Variants in ACSS3 observed in about 807,000 individuals in gnomAD.
ACSS3 encodes the protein acyl-CoA synthetase short-chain family member 3, mitochondrial.
A neutral mutation model predicts 84.2 loss-of-function variants in ACSS3; 64 were observed. The ratio of observed to expected loss-of-function variants is 0.76; its 90% CI spans 0.62 to 0.94. ACSS3 has a LOEUF of 0.94. Among genes scored for constraint, ACSS3 ranks in the 40% least tolerant of loss-of-function variants. ACSS3 has a pLI of 0.00. For synonymous variants in ACSS3, 317 were observed against 310.1 expected (o/e 1.02, Z -0.23); for missense variants, 815 against 867.6 (o/e 0.94, Z 0.76).
At chr12:81,239,570 T>G (rs1041655310) in intron 13 of ACSS3, among the ~76,000 whole-genome samples, 1 of 151,874 alleles carries the variant, frequency 6.6e-6, no homozygotes, top group Non-Finnish European at 1.5e-5. Flanking sequence ...CAAAGTCATG[T>G]CTTACATGGC....
intron 5 of ACSS3, chr12:81,151,543 G>A (rs1565693037): frequency 4.2e-6 from 1 of 237,776 alleles, no homozygotes; most frequent in South Asian, 7.8e-5. Flanking sequence ...ATAATGTGTG[G>A]TGCCATTAGA....
At chr12:81,088,000 G>A (rs1463281353) in intron 1 of ACSS3, among the ~76,000 whole-genome samples, 1 of 152,112 alleles carries the variant, frequency 6.6e-6, no homozygotes, top group East Asian at 1.9e-4. Context: ...TATTTTTTGT[G>A]TTGTTTCTTT....
intron 1 of ACSS3, among the ~76,000 whole-genome samples, chr12:81,089,927 T>G (rs956022070): frequency 6.6e-6 from 1 of 152,070 alleles, no homozygotes. Flanking sequence ...AGTGGTGGAC[T>G]TAGTTTTTTC....
chr12:81,219,639 A>G lies in ACSS3; in HGVS notation c.1451-374A>G, dbSNP rs1593212789. On this transcript the variant is annotated intron_variant, in intron 10 of 15. Coordinates refer to ENST00000548058, the MANE Select transcript of ACSS3 (RefSeq NM_024560.4). ...TGTAAGTATTTTATTTTTGTTGCGTATATTTTTTGGTGTGTTTGAAAACTT... is the reference window on the plus strand; with the variant it reads ...TGTAAGTATTTTATTTTTGTTGCGTGTATTTTTTGGTGTGTTTGAAAACTT... 2.0e-5 allele frequency among the ~76,000 whole-genome samples: 3 copies of G among 152,082 alleles called. No individual in the cohort carries two copies. In the East Asian group the frequency reaches 5.8e-4, roughly 29 times the overall value.
intron 11 of ACSS3, among the ~76,000 whole-genome samples, chr12:81,226,175 A>G (rs1430541921): frequency 2.0e-5 from 3 of 151,966 alleles, no homozygotes; most frequent in Admixed American, 1.3e-4. Context: ...TTCCATGATC[A>G]CTGTTGCATC....
intron 7 of ACSS3, among the ~76,000 whole-genome samples, chr12:81,164,438 A>G (rs1277822498): frequency 3.3e-5 from 5 of 152,222 alleles, no homozygotes; most frequent in Non-Finnish European, 7.3e-5. Context: ...GTGATTGTAC[A>G]TTTTATACAT....
intron 8 of ACSS3, among the ~76,000 whole-genome samples, chr12:81,178,957 A>G (rs2030701579): frequency 6.6e-6 from 1 of 152,162 alleles, no homozygotes; most frequent in South Asian, 2.1e-4. Flanking sequence ...CACATAGACC[A>G]GAGGAACAGG....
intron 4 of ACSS3, among the ~76,000 whole-genome samples, chr12:81,141,924 CAGCTATAAATGTGTT>C (rs1410349661): frequency 2.0e-5 from 3 of 152,162 alleles, no homozygotes; most frequent in Non-Finnish European, 2.9e-5. Context: ...GTCTTCGATT[CAGCTATAAATGTGTT>C]AGCTATAAAT....
chr12:81,250,449 ATGT>A (rs2034116323), intron 13 of ACSS3, among the ~76,000 whole-genome samples: 1 of 152,102 alleles, frequency 6.6e-6, no homozygotes, highest in Non-Finnish European at 1.5e-5. Context: ...ATTATAGGAA[ATGT>A]TGTATATTTC....
intron 1 of ACSS3, among the ~76,000 whole-genome samples, chr12:81,086,658 C>T (rs1881334423): frequency 6.6e-6 from 1 of 152,098 alleles, no homozygotes; most frequent in Admixed American, 6.6e-5. Flanking sequence ...TTTGTCATGC[C>T]ACATATAGTA....
chr12:81,156,876 G>A (rs1291760150), intron 7 of ACSS3, among the ~76,000 whole-genome samples: 2 of 152,104 alleles, frequency 1.3e-5, no homozygotes, highest in East Asian at 1.9e-4. Context: ...AATAGAAGAG[G>A]AGGCAGGTGG....
intron 7 of ACSS3, among the ~76,000 whole-genome samples, chr12:81,157,740 G>T (rs935872450): frequency 2.6e-5 from 4 of 152,232 alleles, no homozygotes; most frequent in Admixed American, 1.3e-4. Flanking sequence ...CCAGGAGGTG[G>T]AAGTTGCAGT....
At chr12:81,170,765 C>T (rs1329971551) in intron 7 of ACSS3, among the ~76,000 whole-genome samples, 3 of 152,054 alleles carry the variant, frequency 2.0e-5, no homozygotes, top group Admixed American at 6.6e-5. Flanking sequence ...CTAGAATCAA[C>T]GTCTTTTTCT....
chr12:81,182,890 CA>C (rs2031029658), intron 8 of ACSS3, among the ~76,000 whole-genome samples: 1 of 152,080 alleles, frequency 6.6e-6, no homozygotes, highest in African/African-American at 2.4e-5. Flanking sequence ...AAATGCTTGT[CA>C]AATGCACATC....
chr12:81,247,481 G>A (rs1357916363), intron 13 of ACSS3, among the ~76,000 whole-genome samples: 1 of 152,096 alleles, frequency 6.6e-6, no homozygotes, highest in Non-Finnish European at 1.5e-5. Context: ...AGAAAAACAT[G>A]CTAGAATTAT....
At chr12:81,240,963 T>C (rs1181472086) in intron 13 of ACSS3, among the ~76,000 whole-genome samples, 3 of 151,368 alleles carry the variant, frequency 2.0e-5, no homozygotes, top group African/African-American at 4.9e-5. Context: ...ATTAGGTATA[T>C]CTCCCAATGC....
chr12:81,226,697 TTC>T (rs1387492081), intron 11 of ACSS3, among the ~76,000 whole-genome samples: 1 of 151,872 alleles, frequency 6.6e-6, no homozygotes, highest in Non-Finnish European at 1.5e-5. Context: ...AATAGAAACT[TTC>T]TGTTTCCATC....
At chr12:81,129,623 G>T (rs1885352778) in intron 2 of ACSS3, among the ~76,000 whole-genome samples, 1 of 152,010 alleles carries the variant, frequency 6.6e-6, no homozygotes, top group South Asian at 2.1e-4. Flanking sequence ...TTCACACAAG[G>T]TCTTGAATTT....
chr12:81,199,560 G>C (rs2032007253), intron 9 of ACSS3, 116 bp downstream of exon 9: 1 of 1,455,864 alleles, frequency 6.9e-7, no homozygotes, highest in Non-Finnish European at 9.4e-7. Context: ...CGGGATTCGA[G>C]TGGTTCAGGT....
Sources: allele counts gnomAD v4.1 joint callset (sites outside exome capture counted in the v4.1 genomes callset), GRCh38; gene constraint gnomAD v4.1.1; transcripts MANE v1.5; gene names NCBI Gene and HGNC (gene_info 2026-07-23, HGNC 2026-07-21).